ADAMTS14: variants seen among roughly 807,000 people sequenced by gnomAD.
The protein encoded by ADAMTS14 is ADAM metallopeptidase with thrombospondin type 1 motif 14.
In ADAMTS14, 100 loss-of-function variants were observed where a neutral mutation model predicts 128.6. The observed-to-expected ratio is 0.78, with a 90% CI of 0.66 to 0.92. The LOEUF (loss-of-function observed/expected upper bound fraction) is 0.92. Ranked by LOEUF, ADAMTS14 falls within the 40% of genes least tolerant of loss-of-function variation. The pLI is 0.00. For synonymous variants in ADAMTS14, 665 were observed against 653.8 expected (o/e 1.02, Z -0.26); for missense variants, 1,562 against 1,658.6 (o/e 0.94, Z 1.01).
At chr10:70,736,860 G>A in intron 10 of ADAMTS14, 67 bp downstream of exon 10, 1 of 1,433,600 alleles carries the variant, frequency 7.0e-7, no homozygotes. Flanking sequence ...TGGCATGGGG[G>A]TGGATCCCAG....
intron 4 of ADAMTS14, among the ~76,000 whole-genome samples, chr10:70,725,590 G>C (rs1038706403): frequency 1.3e-5 from 2 of 152,096 alleles, no homozygotes; most frequent in African/African-American, 2.4e-5. Context: ...GGAGTGAGGG[G>C]GTCTTTCAGG....
At position 70,672,651 on chromosome 10, in the gene ADAMTS14, G is replaced by C. The variant is rs1324462570; in HGVS notation, c.-152G>C. 3 of 1,148,306 alleles carry C rather than the reference G, an allele frequency of 2.6e-6. No individual in the cohort carries two copies. The highest frequency in any genetic ancestry group is 3.2e-5 in the African/African-American group (2 of 61,762). 71.1% of individuals were successfully genotyped at this position (1,148,306 alleles called of 1,614,324 possible). On this transcript the variant is annotated 5_prime_UTR_variant, in exon 1 of 22. Coordinates refer to ENST00000373207, the MANE Select transcript of ADAMTS14 (RefSeq NM_080722.4). ...CCGCGCAGGGGACCCGGAGCAGGCG[G>C]GAGGGAAGCAGCTAGGCGGGGAGGC...
At chr10:70,713,256 C>G (rs543508521) in intron 4 of ADAMTS14, among the ~76,000 whole-genome samples, 9 of 151,636 alleles carry the variant, frequency 5.9e-5, no homozygotes, top group Non-Finnish European at 1.0e-4. Flanking sequence ...TCACTGCCAG[C>G]CTTGGCTAAC....
At chr10:70,721,366 A>G (rs1589297810) in intron 4 of ADAMTS14, among the ~76,000 whole-genome samples, 2 of 148,408 alleles carry the variant, frequency 1.3e-5, no homozygotes, top group South Asian at 2.1e-4. Flanking sequence ...TCTTTATCAT[A>G]TGTTACTCTT....
chr10:70,700,132 GC>G (rs1413385628), intron 2 of ADAMTS14, among the ~76,000 whole-genome samples: 2 of 152,058 alleles, frequency 1.3e-5, no homozygotes, highest in Non-Finnish European at 2.9e-5. Context: ...CGGGCCTGGA[GC>G]CACCAGCTGG....
intron 2 of ADAMTS14, among the ~76,000 whole-genome samples, chr10:70,693,825 A>G (rs1026046127): frequency 6.6e-5 from 10 of 152,318 alleles, no homozygotes; most frequent in African/African-American, 2.4e-4. Flanking sequence ...GTCATCCCAG[A>G]TAACTCTCTC....
chr10:70,733,882 C>G lies in ADAMTS14; in HGVS notation c.1209-3C>G, dbSNP rs556876880. On this transcript the variant is annotated splice_polypyrimidine_tract_variant and splice_region_variant and intron_variant, in intron 7 of 21. Transcript: ENST00000373207. ...CAGGACTCCTCTGTCTTCCCCATTCCAGGCTCGGCATGGAGCATGACGGTC... is the reference window on the plus strand; with the variant it reads ...CAGGACTCCTCTGTCTTCCCCATTCGAGGCTCGGCATGGAGCATGACGGTC... 5.6e-6 allele frequency: 9 copies of G among 1,610,714 alleles called. No individual in the cohort carries two copies. The East Asian group carries it at 2.0e-4, about 36-fold the overall frequency.
At position 70,733,958 on chromosome 10, in the gene ADAMTS14, C is replaced by G; in HGVS notation, c.1282C>G (p.Leu428Val). Residue 428 changes from leucine to valine, a missense_variant, in exon 8 of 22, where the codon CTG becomes GTG. Physicochemically the swap from Leu to Val is conservative, Grantham distance 32. Transcript: ENST00000373207. ...ETSLGSVMAP[L>V]VQAAFHRFHW... ...CAGCCTGGGCAGCGTCATGGCGCCC[C>G]TGGTGCAGGCTGCCTTCCACCGCTT... 6.2e-7 allele frequency: 1 copy of G among 1,613,894 alleles called. No individual in the cohort carries two copies.
chr10:70,675,663 G>GCGCCTCTGCT (rs1839624746), intron 2 of ADAMTS14, among the ~76,000 whole-genome samples: 1 of 152,202 alleles, frequency 6.6e-6, no homozygotes, highest in African/African-American at 2.4e-5. Context: ...ATGCTTCCCA[G>GCGCCTCTGCT]AGTCTGGGAG....
At chr10:70,744,514 A>T (rs1207706187) in intron 14 of ADAMTS14, among the ~76,000 whole-genome samples, 1 of 152,186 alleles carries the variant, frequency 6.6e-6, no homozygotes, top group African/African-American at 2.4e-5. Flanking sequence ...AGACAGATCT[A>T]AAGGTGTAGC....
chr10:70,704,330 G>T (rs1589279211), intron 3 of ADAMTS14, among the ~76,000 whole-genome samples: 1 of 152,038 alleles, frequency 6.6e-6, no homozygotes, highest in Non-Finnish European at 1.5e-5. Flanking sequence ...GGGCATGTGT[G>T]GGCCCACACA....
At chr10:70,722,837 A>T (rs974252979) in intron 4 of ADAMTS14, among the ~76,000 whole-genome samples, 1 of 152,236 alleles carries the variant, frequency 6.6e-6, no homozygotes, top group Non-Finnish European at 1.5e-5. Flanking sequence ...ATAAACGAAG[A>T]AGGGACAAAT....
In ADAMTS14 at chr10:70,672,772, G is replaced by C. The variant is rs1347714520; in HGVS notation, c.-31G>C. On this transcript the variant is annotated 5_prime_UTR_variant, in exon 1 of 22. Transcript: ENST00000373207. ...TCAGCCTGGGACTTGGGGATCGGGC[G>C]CTTGCCCAGCCCGCGTCCCAGCGCG... The C allele has an allele frequency of 4.7e-6, 7 of 1,491,094 alleles. No homozygotes were observed. Among genetic ancestry groups the C allele is most frequent in the Non-Finnish European group, 5.3e-6 (6 of 1,125,230 alleles). The allele number at this position is 1,491,094 out of a possible 1,614,324, so 92.4% of individuals were successfully genotyped here.
chr10:70,707,783 T>A (rs1426448736), intron 3 of ADAMTS14, among the ~76,000 whole-genome samples: 1 of 151,988 alleles, frequency 6.6e-6, no homozygotes, highest in Non-Finnish European at 1.5e-5. Flanking sequence ...AGATTAGAGG[T>A]CAGTAAAGGT....
intron 4 of ADAMTS14, among the ~76,000 whole-genome samples, chr10:70,709,132 G>C (rs962288104): frequency 6.6e-6 from 1 of 152,214 alleles, no homozygotes; most frequent in African/African-American, 2.4e-5. Flanking sequence ...CTGGAGCCTT[G>C]CTTGTGTTGG....
At chr10:70,683,414 G>A (rs888016408) in intron 2 of ADAMTS14, among the ~76,000 whole-genome samples, 11 of 152,182 alleles carry the variant, frequency 7.2e-5, no homozygotes, top group African/African-American at 2.7e-4. Flanking sequence ...CTCCTGACCC[G>A]CCTGCCAGGG....
chr10:70,759,442 A>G (rs1292896006), intron 21 of ADAMTS14, among the ~76,000 whole-genome samples: 2 of 152,142 alleles, frequency 1.3e-5, no homozygotes, highest in Admixed American at 1.3e-4. Flanking sequence ...TGGAGTTATC[A>G]CAGAAAGGTG....
chr10:70,732,381 G>C, intron 7 of ADAMTS14, 22 bp downstream of exon 7: 1 of 1,592,670 alleles, frequency 6.3e-7, no homozygotes. Flanking sequence ...CAGCACGGTG[G>C]GTGGGACTGG....
Position 70,702,591 on chromosome 10 carries a change from G to A in ADAMTS14, c.679+123G>A. ...TCTTCTTATCTGTAAAATGGGACTG[G>A]GCCACATAGACCTGCTGTACTGGCA... On this transcript the variant is annotated intron_variant, in intron 3 of 21. Coordinates refer to ENST00000373207, the MANE Select transcript of ADAMTS14 (RefSeq NM_080722.4). 2 of 1,286,212 alleles carry A rather than the reference G, an allele frequency of 1.6e-6. 1 individual carries two copies. Among genetic ancestry groups the A allele is most frequent in the South Asian group, 3.1e-5 (2 of 64,534 alleles). The allele number at this position is 1,286,212 out of a possible 1,614,324, so 79.7% of individuals were successfully genotyped here. A position where few individuals can be genotyped will look rare whatever the true frequency, so the allele number is the denominator to read the frequency against.
Sources: allele counts gnomAD v4.1 joint callset (sites outside exome capture counted in the v4.1 genomes callset), GRCh38; gene constraint gnomAD v4.1.1; transcripts MANE v1.5; gene names NCBI Gene and HGNC (gene_info 2026-07-23, HGNC 2026-07-21).